Variants in SCAND3 observed in about 807,000 individuals in gnomAD.
SCAND3 encodes the protein SCAN domain containing 3, also known as SCAN domain-containing protein 3.
the SCAND3 span, among the ~76,000 whole-genome samples, chr6:28,593,000 C>A: frequency 7.0e-6 from 1 of 143,628 alleles, no homozygotes; most frequent in African/African-American, 2.7e-5. The surrounding 1 kb of genome is among the most constrained non-coding windows in gnomAD (Gnocchi z 4.1). Flanking sequence ...ATGACATTGT[C>A]TGGGCAATGA....
At chr6:28,578,454 C>G in the SCAND3 span, among the ~76,000 whole-genome samples, 7 of 152,140 alleles carry the variant, frequency 4.6e-5, no homozygotes, top group Non-Finnish European at 7.3e-5. Flanking sequence ...GTTACTACAT[C>G]TAGTGTTCAA....
the SCAND3 span, among the ~76,000 whole-genome samples, chr6:28,576,886 A>AGGCGT: frequency 6.7e-6 from 1 of 149,124 alleles, no homozygotes; most frequent in Admixed American, 6.7e-5. Flanking sequence ...CTGGGATTAC[A>AGGCGT]GGCGTGAGCC....
the SCAND3 span, among the ~76,000 whole-genome samples, chr6:28,613,471 C>A: frequency 4.6e-5 from 7 of 152,294 alleles, no homozygotes; most frequent in African/African-American, 1.7e-4. Flanking sequence ...AAATTGCATA[C>A]ATGTAACAAT....
At chr6:28,609,677 C>G in the SCAND3 span, among the ~76,000 whole-genome samples, 1 of 152,088 alleles carries the variant, frequency 6.6e-6, no homozygotes, top group South Asian at 2.1e-4. Context: ...CACCTAAAAC[C>G]AAAGCTAAAT....
chr6:28,573,240 A>G, the SCAND3 span: 2 of 1,614,120 alleles, frequency 1.2e-6, no homozygotes, highest in Non-Finnish European at 1.7e-6. Context: ...CTTCCATATC[A>G]TTAGCCAGTT....
chr6:28,596,817 T>C, the SCAND3 span, among the ~76,000 whole-genome samples: 1 of 152,116 alleles, frequency 6.6e-6, no homozygotes, highest in Non-Finnish European at 1.5e-5. Flanking sequence ...CAGACAATAA[T>C]GGTTAAGTAT....
the SCAND3 span, chr6:28,585,111 G>A: frequency 6.6e-6 from 1 of 152,052 alleles, no homozygotes; most frequent in East Asian, 1.9e-4. Flanking sequence ...TCCCATCATT[G>A]TCTCTAATTG....
the SCAND3 span, chr6:28,593,403 G>C: frequency 1.3e-5 from 2 of 150,814 alleles, no homozygotes; most frequent in Non-Finnish European, 2.9e-5. Context: ...TGCTGGGCGC[G>C]GTGGCTCACG....
chr6:28,607,295 T>C, the SCAND3 span, among the ~76,000 whole-genome samples: 1 of 152,130 alleles, frequency 6.6e-6, no homozygotes, highest in African/African-American at 2.4e-5. Context: ...CTCCCTCCCG[T>C]TAAATAAACC....
the SCAND3 span, among the ~76,000 whole-genome samples, chr6:28,594,525 C>G: frequency 6.6e-6 from 1 of 152,210 alleles, no homozygotes; most frequent in Non-Finnish European, 1.5e-5. Flanking sequence ...CATGATGGCA[C>G]ATGCTTGTAA....
chr6:28,613,998 T>A, the SCAND3 span, among the ~76,000 whole-genome samples: 1 of 152,000 alleles, frequency 6.6e-6, no homozygotes, highest in Non-Finnish European at 1.5e-5. Context: ...AGTTTCGCTC[T>A]TGTTGCCCAG....
chr6:28,575,914 T>C, the SCAND3 span: 3 of 1,614,046 alleles, frequency 1.9e-6, no homozygotes, highest in East Asian at 2.2e-5. This position sits in a 1 kb window ranked among gnomAD's most constrained non-coding sequence, Gnocchi z 4.2. Flanking sequence ...TGATTCCTTT[T>C]TCGCCTTAGC....
chr6:28,593,353 G>A, the SCAND3 span, among the ~76,000 whole-genome samples: 2 of 151,538 alleles, frequency 1.3e-5, no homozygotes, highest in African/African-American at 2.4e-5. Flanking sequence ...TAAAGCCACA[G>A]TATCACTTCA....
At chr6:28,582,095 A>G in the SCAND3 span, among the ~76,000 whole-genome samples, 2 of 152,336 alleles carry the variant, frequency 1.3e-5, no homozygotes. The surrounding 1 kb of genome is among the most constrained non-coding windows in gnomAD (Gnocchi z 4.8). Flanking sequence ...ACCAAACACC[A>G]AGTCCTACCA....
At chr6:28,591,620 T>G in the SCAND3 span, 1 of 152,194 alleles carries the variant, frequency 6.6e-6, no homozygotes, top group South Asian at 2.1e-4. Context: ...TCACTTTCTA[T>G]CAAATGGTTG....
chr6:28,579,285 T>A, the SCAND3 span: 5 of 1,613,142 alleles, frequency 3.1e-6, no homozygotes, highest in South Asian at 5.5e-5. The surrounding 1 kb of genome is among the most constrained non-coding windows in gnomAD (Gnocchi z 4.5). Flanking sequence ...TATCTTGAAG[T>A]GGGTGTGGCT....
chr6:28,578,000 G>A, the SCAND3 span, among the ~76,000 whole-genome samples: 53 of 152,208 alleles, frequency 3.5e-4, no homozygotes, highest in Non-Finnish European at 6.9e-4. Context: ...AACCATTGGG[G>A]AAACTGGGTC....
chr6:28,612,970 G>A, the SCAND3 span, among the ~76,000 whole-genome samples: 1 of 151,916 alleles, frequency 6.6e-6, no homozygotes, highest in Non-Finnish European at 1.5e-5. Flanking sequence ...GTACAAAATG[G>A]GTTAGTTTAT....
the SCAND3 span, chr6:28,615,921 C>T: frequency 1.3e-5 from 2 of 152,140 alleles, no homozygotes; most frequent in Non-Finnish European, 2.9e-5. Flanking sequence ...GTGTGATATT[C>T]TTAGTCTATC....
Sources: gnomAD v4.1 joint callset for allele counts (sites outside exome capture counted in the v4.1 genomes callset) on GRCh38, gnomAD v4.1.1 for gene constraint, Gnocchi (gnomAD v3.1) non-coding constraint, MANE v1.5 for transcripts, NCBI Gene and HGNC (gene_info 2026-07-23, HGNC 2026-07-21) for gene names.